CDH13: variants seen among roughly 807,000 people sequenced by gnomAD.
CDH13 encodes the protein cadherin-13.
Under a neutral mutation model 63.8 loss-of-function variants are expected in CDH13, and 24 were observed. The observed-to-expected ratio is 0.38, with a 90% confidence interval of 0.27 to 0.53. CDH13 has a LOEUF of 0.53. Among genes scored for constraint, CDH13 ranks in the 20% least tolerant of loss-of-function variants. The pLI, the probability that CDH13 is intolerant of heterozygous loss-of-function variation, is 0.85. For missense variants in CDH13, 1,049 were observed against 903.1 expected, an observed-to-expected ratio of 1.16 and a Z score of -2.07; for synonymous variants, 503 against 355.3, an observed-to-expected ratio of 1.42 and a Z score of -4.67.
intron 1 of CDH13, among the ~76,000 whole-genome samples, chr16:82,853,750 A>T (rs1252463217): frequency 6.6e-6 from 1 of 152,198 alleles, no homozygotes; most frequent in Non-Finnish European, 1.5e-5. Flanking sequence ...GTTACCTCTC[A>T]TTTCTTAGGT....
intron 5 of CDH13, among the ~76,000 whole-genome samples, chr16:83,334,793 ATGTCTT>A (rs2090557698): frequency 6.6e-6 from 1 of 152,150 alleles, no homozygotes; most frequent in Non-Finnish European, 1.5e-5. Flanking sequence ...ATTTATCAGT[ATGTCTT>A]TGTTTAAGGC....
intron 7 of CDH13, among the ~76,000 whole-genome samples, chr16:83,578,389 A>T (rs1905238182): frequency 6.6e-6 from 1 of 152,208 alleles, no homozygotes; most frequent in Admixed American, 6.5e-5. Context: ...TAAAGGAGAC[A>T]GGGCTGGTTA....
intron 4 of CDH13, among the ~76,000 whole-genome samples, chr16:83,176,292 A>G (rs2038120010): frequency 6.6e-6 from 1 of 151,928 alleles, no homozygotes; most frequent in African/African-American, 2.4e-5. Flanking sequence ...CAGGCAGACC[A>G]CGAGGTCAGG....
chr16:83,364,686 T>A (rs2091225706), intron 6 of CDH13, among the ~76,000 whole-genome samples: 1 of 152,202 alleles, frequency 6.6e-6, no homozygotes, highest in South Asian at 2.1e-4. Context: ...TTTATGAATG[T>A]TTCTTTTATA....
chr16:83,603,165 G>C (rs922281852), intron 8 of CDH13, among the ~76,000 whole-genome samples: 2 of 152,212 alleles, frequency 1.3e-5, no homozygotes, highest in African/African-American at 4.8e-5. Flanking sequence ...GAAGGGCTGA[G>C]TACACAAGAT....
At chr16:83,499,180 CTAT>C (rs2074215340) in intron 7 of CDH13, among the ~76,000 whole-genome samples, 1 of 152,200 alleles carries the variant, frequency 6.6e-6, no homozygotes, top group African/African-American at 2.4e-5. Flanking sequence ...CACTGGTATT[CTAT>C]TAAATCATGT....
chr16:82,972,250 G>C (rs1908867493), intron 2 of CDH13, among the ~76,000 whole-genome samples: 1 of 152,122 alleles, frequency 6.6e-6, no homozygotes, highest in South Asian at 2.1e-4. Context: ...ATCTACTATA[G>C]AGAAACGGCC....
chr16:83,555,081 C>G (rs2075577020), intron 7 of CDH13, among the ~76,000 whole-genome samples: 1 of 152,154 alleles, frequency 6.6e-6, no homozygotes, highest in African/African-American at 2.4e-5. Flanking sequence ...CAGCTTGCAG[C>G]CCCTCACTGA....
chr16:82,856,086 A>T (rs1421886423), intron 1 of CDH13, among the ~76,000 whole-genome samples: 1 of 152,144 alleles, frequency 6.6e-6, no homozygotes, highest in Non-Finnish European at 1.5e-5. Flanking sequence ...TAAGAAAAAT[A>T]CTAGCTGGGG....
chr16:83,308,544 C>T (rs191019158), intron 5 of CDH13, among the ~76,000 whole-genome samples: 2 of 152,186 alleles, frequency 1.3e-5, no homozygotes, highest in Admixed American at 6.5e-5. Context: ...CAAAAACACA[C>T]TAGAGATTAC....
At chr16:83,395,879 T>C (rs927144956) in intron 6 of CDH13, among the ~76,000 whole-genome samples, 1 of 152,166 alleles carries the variant, frequency 6.6e-6, no homozygotes, top group Non-Finnish European at 1.5e-5. Flanking sequence ...GGGGAGTTGT[T>C]GTAGAGATTA....
intron 1 of CDH13, among the ~76,000 whole-genome samples, chr16:82,701,773 C>T (rs140699749): frequency 4.3e-4 from 65 of 152,214 alleles, no homozygotes; most frequent in African/African-American, 1.4e-3. Context: ...ATTTTATTGG[C>T]TCTTAACATG....
At chr16:82,704,824 G>A (rs200488659) in intron 1 of CDH13, among the ~76,000 whole-genome samples, 14 of 152,258 alleles carry the variant, frequency 9.2e-5, no homozygotes, top group Middle Eastern at 3.4e-3. Context: ...TATTTACATC[G>A]TGGATTTGTA....
chr16:83,091,856 A>G (rs1035341672), intron 3 of CDH13, among the ~76,000 whole-genome samples: 1 of 152,196 alleles, frequency 6.6e-6, no homozygotes, highest in Non-Finnish European at 1.5e-5. Context: ...AGAAAAAGAA[A>G]TCTTTACTCC....
chr16:83,565,072 C>T (rs1189487655), intron 7 of CDH13, among the ~76,000 whole-genome samples: 1 of 152,214 alleles, frequency 6.6e-6, no homozygotes, highest in East Asian at 1.9e-4. Flanking sequence ...CTCCCTGCAT[C>T]ACTTCCCTGC....
intron 10 of CDH13, among the ~76,000 whole-genome samples, chr16:83,700,247 C>A (rs1241727534): frequency 6.6e-6 from 1 of 152,200 alleles, no homozygotes; most frequent in Admixed American, 6.5e-5. Context: ...TCCGTGTTGT[C>A]ACCTGTGTCA....
chr16:83,301,095 G>A (rs914927780), intron 5 of CDH13, among the ~76,000 whole-genome samples: 5 of 131,938 alleles, frequency 3.8e-5, no homozygotes, highest in Admixed American at 1.8e-4. Context: ...GCAGTGGCAC[G>A]ATCTCAGCTC....
At chr16:83,455,906 G>T (rs1386876447) in intron 6 of CDH13, among the ~76,000 whole-genome samples, 1 of 152,234 alleles carries the variant, frequency 6.6e-6, no homozygotes, top group Non-Finnish European at 1.5e-5. Flanking sequence ...AAAAACGACA[G>T]ACTAGTGCTT....
chr16:83,158,338 T>C (rs1342079012), intron 4 of CDH13, among the ~76,000 whole-genome samples: 1 of 152,226 alleles, frequency 6.6e-6, no homozygotes, highest in African/African-American at 2.4e-5. Context: ...CACTGCACTG[T>C]GCTGTGCAGT....
Sources: gnomAD v4.1 joint callset for allele counts (sites outside exome capture counted in the v4.1 genomes callset) on GRCh38, gnomAD v4.1.1 for gene constraint, MANE v1.5 for transcripts, NCBI Gene and HGNC (gene_info 2026-07-23, HGNC 2026-07-21) for gene names.